Variants in CSRNP3 observed in about 807,000 individuals in gnomAD.
The protein encoded by CSRNP3 is cysteine and serine rich nuclear protein 3, also known as cysteine/serine-rich nuclear protein 3.
Under a neutral mutation model 48.0 loss-of-function variants are expected in CSRNP3, and 12 were observed. The observed-to-expected ratio is 0.25, with a 90% CI of 0.16 to 0.41. The LOEUF (loss-of-function observed/expected upper bound fraction) is 0.41. Among genes scored for constraint, CSRNP3 ranks in the 10% least tolerant of loss-of-function variants. The pLI is 1.00. For synonymous variants in CSRNP3, 263 were observed against 269.7 expected (o/e 0.98, Z 0.24); for missense variants, 580 against 724.4 (o/e 0.80, Z 2.29).
intron 4 of CSRNP3, among the ~76,000 whole-genome samples, chr2:165,649,541 G>C (rs1686871327): frequency 6.6e-6 from 1 of 152,124 alleles, no homozygotes; most frequent in Non-Finnish European, 1.5e-5. Flanking sequence ...TAATACATAA[G>C]TTGGTTGGTT....
At chr2:165,551,215 G>A (rs1011651703) in intron 3 of CSRNP3, among the ~76,000 whole-genome samples, 3 of 151,988 alleles carry the variant, frequency 2.0e-5, no homozygotes, top group African/African-American at 7.2e-5. Flanking sequence ...TCAATTCAGA[G>A]CCCTAGGCTG....
intron 3 of CSRNP3, among the ~76,000 whole-genome samples, chr2:165,567,448 C>T (rs1040568220): frequency 6.6e-6 from 1 of 152,070 alleles, no homozygotes; most frequent in Non-Finnish European, 1.5e-5. Flanking sequence ...GATTTATGTA[C>T]ATATTGTAGA....
At chr2:165,479,145 C>T (rs1684006355) in intron 1 of CSRNP3, among the ~76,000 whole-genome samples, 1 of 151,888 alleles carries the variant, frequency 6.6e-6, no homozygotes, top group African/African-American at 2.4e-5. Flanking sequence ...TTTTTTATAG[C>T]TATTATGAAT....
chr2:165,589,944 T>G (rs1419513047), intron 3 of CSRNP3, among the ~76,000 whole-genome samples: 1 of 152,172 alleles, frequency 6.6e-6, no homozygotes, highest in Non-Finnish European at 1.5e-5. Flanking sequence ...ATTATAAAAA[T>G]GTACTTTTTA....
At chr2:165,596,309 G>T (rs1208844808) in intron 4 of CSRNP3, among the ~76,000 whole-genome samples, 1 of 151,986 alleles carries the variant, frequency 6.6e-6, no homozygotes, top group African/African-American at 2.4e-5. Context: ...CCTTAAACAA[G>T]AAGATTTTAA....
rs71028497 is a variant in CSRNP3 at position 165,653,972 on chromosome 2, C to CAAAAAAAAA, written c.149-3761_149-3753dup. 8.7e-4 allele frequency among the ~76,000 whole-genome samples: 36 copies of CAAAAAAAAA among 41,226 alleles called. 7 individuals carry two copies. Among genetic ancestry groups the CAAAAAAAAA allele is most frequent in the East Asian group, 2.9e-3 (2 of 698 alleles). 27.0% of individuals were successfully genotyped at this position (41,226 alleles called of 152,430 possible). ...GGGCAACAAGAGCGAAGCTCTATCA[C>CAAAAAAAAA]AAAAAAAAAAAAAAAAAAAAAAAAA... On this transcript the variant is annotated intron_variant, in intron 4 of 6. Transcript: ENST00000651982.
In CSRNP3 at chr2:165,684,887, A is replaced by G. The variant is rs1687606490; in HGVS notation, c.*5134A>G. The G allele has an allele frequency of 6.6e-6, 1 of 151,982 alleles. No homozygotes were observed. Among genetic ancestry groups the G allele is most frequent in the Admixed American group, 6.6e-5 (1 of 15,204 alleles). The allele number at this position is 151,982 out of a possible 1,614,324, so 9.4% of individuals were successfully genotyped here. On this transcript the variant is annotated 3_prime_UTR_variant, in exon 7 of 7. Coordinates refer to ENST00000651982, the MANE Select transcript of CSRNP3 (RefSeq NM_001172173.2). ...GCTAAGCCAGATCTTATTACATCAT[A>G]AAGACTAGAGTTACAAATGGCAGCC...
At chr2:165,475,632 C>T (rs954591422) in intron 1 of CSRNP3, among the ~76,000 whole-genome samples, 13 of 152,100 alleles carry the variant, frequency 8.5e-5, no homozygotes, top group African/African-American at 2.7e-4. Flanking sequence ...ATTGTTTTGC[C>T]GATTGAATAA....
Position 165,679,281 on chromosome 2 carries a change from A to T in CSRNP3, c.1286A>T (p.Tyr429Phe). The change falls in exon 7 of 7, where the codon TAT becomes TTT. Residue 429 changes from tyrosine to phenylalanine, a missense_variant. Physicochemically the swap from Tyr to Phe is conservative, Grantham distance 22. This residue lies in a region of CSRNP3 where 369 missense variants were observed against 380.8 expected (regional missense o/e 0.97). Transcript: ENST00000651982. Reference sequence around the variant, plus strand: ...AGCCATGCAAAGAATGCTTCTTTTTATGCCAACTCTTCAACTCTGTATTAC... The same window carrying T: ...AGCCATGCAAAGAATGCTTCTTTTTTTGCCAACTCTTCAACTCTGTATTAC... ...HESHAKNASF[Y>F]ANSSTLYYQI... 1 of 1,613,792 alleles carries T rather than the reference A, an allele frequency of 6.2e-7. No homozygotes were observed. Among genetic ancestry groups the T allele is most frequent in the African/African-American group, 1.3e-5 (1 of 74,864 alleles).
chr2:165,649,299 C>G (rs1254667584), intron 4 of CSRNP3, among the ~76,000 whole-genome samples: 4 of 152,144 alleles, frequency 2.6e-5, no homozygotes, highest in Admixed American at 2.6e-4. Context: ...TTATTTCACT[C>G]AGAAGCTGCA....
chr2:165,663,507 T>C (rs1333477397), intron 5 of CSRNP3, among the ~76,000 whole-genome samples: 1 of 152,182 alleles, frequency 6.6e-6, no homozygotes, highest in Non-Finnish European at 1.5e-5. Context: ...TGATGGAGAC[T>C]GAAAGGGTGG....
chr2:165,610,860 G>A (rs869247138), intron 4 of CSRNP3, among the ~76,000 whole-genome samples: 1 of 152,056 alleles, frequency 6.6e-6, no homozygotes, highest in Non-Finnish European at 1.5e-5. Context: ...ACATGTGAGA[G>A]CTTTTATGAG....
intron 4 of CSRNP3, among the ~76,000 whole-genome samples, chr2:165,602,430 T>G (rs1204791608): frequency 6.6e-6 from 1 of 152,222 alleles, no homozygotes; most frequent in Admixed American, 6.5e-5. Context: ...TGGGACCAGC[T>G]GCAGATCATA....
At chr2:165,667,560 A>C (rs1191312195) in intron 5 of CSRNP3, among the ~76,000 whole-genome samples, 1 of 152,168 alleles carries the variant, frequency 6.6e-6, no homozygotes, top group African/African-American at 2.4e-5. Flanking sequence ...GCCTCAAAAC[A>C]TAAATTGTCT....
Position 165,657,998 on chromosome 2 carries a change from A to C in CSRNP3, c.386A>C (p.Lys129Thr). 1 of 1,613,372 alleles carries C rather than the reference A, an allele frequency of 6.2e-7. No homozygotes were observed. Residue 129 changes from lysine (K) to threonine (T), a missense_variant, in exon 5 of 7, where the codon AAG becomes ACG. Physicochemically the swap from Lys to Thr is moderately conservative, Grantham distance 78. Transcript: ENST00000651982. ...EMLREHLREE[K>T]LNSLKLKMTK... ...TTGAGAGAACACCTTAGGGAGGAAA[A>C]GCTGAACTCCTTAAAACTAAAGGTA...
At chr2:165,625,384 TG>T (rs1226479838) in intron 4 of CSRNP3, among the ~76,000 whole-genome samples, 1 of 151,704 alleles carries the variant, frequency 6.6e-6, no homozygotes, top group Non-Finnish European at 1.5e-5. Flanking sequence ...CCCAGCACTT[TG>T]GGAGGCCAAG....
chr2:165,481,090 G>C (rs1684036546), intron 1 of CSRNP3, among the ~76,000 whole-genome samples: 1 of 151,946 alleles, frequency 6.6e-6, no homozygotes, highest in Non-Finnish European at 1.5e-5. Context: ...TAGAGGTTTG[G>C]TTAAATATCA....
At chr2:165,586,007 A>G (rs1234071228) in intron 3 of CSRNP3, among the ~76,000 whole-genome samples, 2 of 152,214 alleles carry the variant, frequency 1.3e-5, no homozygotes, top group African/African-American at 4.8e-5. Flanking sequence ...CCTACGGATC[A>G]GATGAACCCA....
At chr2:165,516,627 A>G (rs139169725) in intron 2 of CSRNP3, among the ~76,000 whole-genome samples, 28 of 152,230 alleles carry the variant, frequency 1.8e-4, no homozygotes, top group Non-Finnish European at 3.5e-4. Flanking sequence ...AAAAATAATA[A>G]AATTGAATTT....
Sources: gnomAD v4.1 joint callset for allele counts (sites outside exome capture counted in the v4.1 genomes callset) on GRCh38, gnomAD v4.1.1 for gene constraint, gnomAD v4.1.1 regional missense constraint, MANE v1.5 for transcripts, NCBI Gene and HGNC (gene_info 2026-07-23, HGNC 2026-07-21) for gene names.